Variants in FOXK2 observed in about 807,000 individuals in gnomAD.
FOXK2 encodes the protein forkhead box protein K2.
In FOXK2, 24 loss-of-function variants were observed where a neutral mutation model predicts 53.3. That is an observed-to-expected ratio of 0.45 (90% confidence interval 0.33 to 0.63). The LOEUF is 0.63. Among genes scored for constraint, FOXK2 ranks in the 30% least tolerant of loss-of-function variants. FOXK2 has a pLI of 0.03. For synonymous variants in FOXK2, 505 were observed against 407.1 expected (o/e 1.24, Z -2.89); for missense variants, 952 against 910.5 (o/e 1.05, Z -0.59).
At chr17:82,564,224 G>A (rs865898010) in intron 2 of FOXK2, among the ~76,000 whole-genome samples, 4 of 151,492 alleles carry the variant, frequency 2.6e-5, no homozygotes, top group Admixed American at 6.6e-5. Context: ...AGTAGCTGGG[G>A]CTACAGACAT....
intron 8 of FOXK2, chr17:82,600,924 A>C (rs1292919764): frequency 5.8e-6 from 1 of 171,628 alleles, no homozygotes; most frequent in African/African-American, 2.4e-5. Context: ...CAGCAGGGCC[A>C]TCTCCTGTCT....
At chr17:82,531,282 T>C (rs907128955) in intron 1 of FOXK2, among the ~76,000 whole-genome samples, 8 of 152,152 alleles carry the variant, frequency 5.3e-5, no homozygotes, top group African/African-American at 1.2e-4. Context: ...TGAGTTTGGA[T>C]TGGGTGACTA....
chr17:82,557,495 C>T (rs1338231280), intron 1 of FOXK2, among the ~76,000 whole-genome samples: 4 of 151,964 alleles, frequency 2.6e-5, no homozygotes, highest in Non-Finnish European at 5.9e-5. Flanking sequence ...ATGCGCGTGC[C>T]ACCATGCCTG....
intron 1 of FOXK2, among the ~76,000 whole-genome samples, chr17:82,553,879 G>A (rs1358292840): frequency 6.6e-6 from 1 of 152,060 alleles, no homozygotes; most frequent in Admixed American, 6.6e-5. Context: ...CTGTTGCCAG[G>A]CTGGAGGGCA....
chr17:82,561,686 AC>A (rs60283302), intron 1 of FOXK2, among the ~76,000 whole-genome samples: 66,784 of 151,680 alleles, frequency 0.44, 14,874 homozygotes, highest in South Asian at 0.56. Flanking sequence ...GAGTGTTGAA[AC>A]CCCTCAGGTG....
At position 82,587,098 on chromosome 17, in the gene FOXK2, A is replaced by C. The variant is rs369941371; in HGVS notation, c.1612A>C (p.Thr538Pro). The change falls in exon 8 of 9, where the codon ACG becomes CCG. Residue 538 changes from threonine to proline, a missense_variant. Physicochemically the swap from Thr to Pro is conservative, Grantham distance 38 (BLOSUM62 -1). Transcript: ENST00000335255. ...VEPIPAIGHA[T>P]LGTASRIIQT... ...GCCTATTCCCGCCATTGGCCACGCC[A>C]CGCTCGGCACTGCCAGCCGGATCAT... The C allele has an allele frequency of 6.2e-7, 1 of 1,612,918 alleles. No homozygotes were observed. The highest frequency in any genetic ancestry group is 1.1e-5 in the South Asian group (1 of 91,076).
rs192004370 is a variant in FOXK2, at chr17:82,546,387, G to T, written c.420-16967G>T. Reference sequence around the variant, plus strand: ...CTGCCTCGGCCTCCCAGAGTGCTGGGATCGCAGGCATGAACCACTGCACCC... The same window carrying T: ...CTGCCTCGGCCTCCCAGAGTGCTGGTATCGCAGGCATGAACCACTGCACCC... On this transcript the variant is annotated intron_variant, in intron 1 of 8. Transcript: ENST00000335255. Among the ~76,000 whole-genome samples the T allele has an allele frequency of 2.7e-3, 404 of 152,150 alleles. 2 individuals carry two copies. The highest frequency in any genetic ancestry group is 4.0e-3 in the Non-Finnish European group (269 of 67,982).
chr17:82,562,581 T>TA (rs376861309), intron 1 of FOXK2, among the ~76,000 whole-genome samples: 26,908 of 142,912 alleles, frequency 0.19, 2,669 homozygotes, highest in Non-Finnish European at 0.24. Flanking sequence ...ACTCTGTTTC[T>TA]AAAAAAAAAA....
chr17:82,590,877 T>C (rs114037637), intron 8 of FOXK2, among the ~76,000 whole-genome samples: 5,389 of 152,240 alleles, frequency 0.035, 324 homozygotes, highest in African/African-American at 0.12. Flanking sequence ...CCTGAGACTC[T>C]CCCAGGGGTA....
Position 82,520,201 on chromosome 17 carries a change from C to G in FOXK2, c.313C>G (p.Pro105Ala), listed in dbSNP as rs1254074894. The change falls in exon 1 of 9, where the codon CCC (proline) becomes GCC (alanine). Residue 105 changes from proline to alanine, a missense_variant. Transcript: ENST00000335255. The part of the protein sequence containing the change: ...APELPPAQPR[P>A]DAGGDFYLRC... ...GGAGCTGCCGCCCGCGCAGCCCAGG[C>G]CCGACGCCGGCGGCGACTTCTACCT... 2 of 1,336,722 alleles carry G rather than the reference C, an allele frequency of 1.5e-6. No homozygotes were observed. The highest frequency in any genetic ancestry group is 8.2e-5 in the Admixed American group (2 of 24,302). 82.8% of individuals were successfully genotyped at this position (1,336,722 alleles called of 1,614,324 possible). A position where few individuals can be genotyped will look rare whatever the true frequency, so the allele number is the denominator to read the frequency against.
chr17:82,595,723 G>A (rs71376511), intron 8 of FOXK2: 14 of 1,259,544 alleles, frequency 1.1e-5, no homozygotes, highest in African/African-American at 1.5e-5. Flanking sequence ...CTATTCCCTG[G>A]GCCCTAAAAG....
chr17:82,535,822 A>G (rs1460934037), intron 1 of FOXK2, among the ~76,000 whole-genome samples: 6 of 148,430 alleles, frequency 4.0e-5, no homozygotes, highest in Non-Finnish European at 4.4e-5. Context: ...ATCTGGGCTC[A>G]CTGAAACCTC....
chr17:82,557,650 CT>C (rs1567973429), intron 1 of FOXK2, among the ~76,000 whole-genome samples: 1 of 151,736 alleles, frequency 6.6e-6, no homozygotes, highest in Non-Finnish European at 1.5e-5. Context: ...CGGCCTCTGC[CT>C]TTTTTAAAAA....
intron 4 of FOXK2, chr17:82,576,721 A>C: frequency 1.1e-6 from 1 of 923,632 alleles, no homozygotes; most frequent in Non-Finnish European, 1.7e-6. Flanking sequence ...TCTGCTCTGT[A>C]GTCCAAAACC....
At chr17:82,568,975 G>C (rs990505972) in intron 3 of FOXK2, among the ~76,000 whole-genome samples, 1 of 152,212 alleles carries the variant, frequency 6.6e-6, no homozygotes, top group South Asian at 2.1e-4. Flanking sequence ...TCACGCCACT[G>C]AACTCCAGCC....
chr17:82,597,951 C>T (rs2045334464), intron 8 of FOXK2, among the ~76,000 whole-genome samples: 1 of 152,098 alleles, frequency 6.6e-6, no homozygotes, highest in South Asian at 2.1e-4. Flanking sequence ...CGCCCGGCCT[C>T]CCAGTTTCTT....
intron 7 of FOXK2, among the ~76,000 whole-genome samples, chr17:82,586,445 T>C (rs1043693678): frequency 5.3e-5 from 1 of 18,864 alleles, no homozygotes; most frequent in Non-Finnish European, 9.2e-5. Context: ...AGGTCAAAGG[T>C]GGGCCGGGGG....
chr17:82,585,982 C>G lies in FOXK2; in HGVS notation c.1358C>G (p.Thr453Ser), dbSNP rs1323085962. The stretch of plus-strand genomic sequence containing the variant: ...CAGGCCATCAAGCCTGTCACCTACA[C>G]TGTGGCCACCCCAGTGACCACCTCG... Reference protein sequence around the residue: ...LPQAIKPVTYTVATPVTTSTS... With the variant: ...LPQAIKPVTYSVATPVTTSTS... Residue 453 changes from threonine to serine, a missense_variant, in exon 7 of 9, where the codon ACT becomes AGT. Coordinates refer to ENST00000335255, the MANE Select transcript of FOXK2 (RefSeq NM_004514.4). 2.5e-6 allele frequency: 4 copies of G among 1,612,696 alleles called. No homozygotes were observed. The Admixed American group carries it at 6.7e-5, about 27-fold the overall frequency.
chr17:82,587,384 A>G (rs753943523), intron 8 of FOXK2, 112 bp downstream of exon 8: 9 of 834,382 alleles, frequency 1.1e-5, no homozygotes, highest in African/African-American at 1.7e-5. Context: ...GTCTGAGGCA[A>G]TGTTTGCATT....
Sources: gnomAD v4.1 joint callset for allele counts (sites outside exome capture counted in the v4.1 genomes callset) on GRCh38, gnomAD v4.1.1 for gene constraint, MANE v1.5 for transcripts, NCBI Gene and HGNC (gene_info 2026-07-23, HGNC 2026-07-21) for gene names.